DAP: variants seen among roughly 807,000 people sequenced by gnomAD.
DAP encodes death associated protein.
DAP carries 8 observed loss-of-function variants against 13.8 expected under a neutral mutation model. That is an observed-to-expected ratio of 0.58 (90% CI 0.34 to 1.05). The LOEUF is 1.05. Ranked by LOEUF, DAP falls within the 50% of genes least tolerant of loss-of-function variation. DAP has a pLI of 0.03. For missense variants in DAP, 106 were observed against 133.2 expected, an observed-to-expected ratio of 0.80 and a Z score of 1.01; for synonymous variants, 47 against 47.5, an observed-to-expected ratio of 0.99 and a Z score of 0.04.
rs767625403 is a variant in DAP, at chr5:10,748,254, G to A, written c.73C>T (p.Arg25Ter). Residue 25 changes from arginine (R) to a stop codon, truncating the protein, a stop_gained, in exon 2 of 4, where the codon CGA becomes TGA. Coordinates refer to ENST00000230895, the MANE Select transcript of DAP (RefSeq NM_004394.3). LOFTEE classifies it high-confidence loss of function. Reference sequence around the variant, plus strand: ...GTATGTGGGTGTTTCTGCACAATTCGCATTCCACCAGCTTTCACTGAAATG... The same window carrying A: ...GTATGTGGGTGTTTCTGCACAATTCACATTCCACCAGCTTTCACTGAAATG... ...HPPAVKAGGMRIVQKHPHTGD... is the reference protein window; with the variant it reads ...HPPAVKAGGM 17 of 1,613,524 alleles carry A rather than the reference G, an allele frequency of 1.1e-5. No individual in the cohort carries two copies. Among genetic ancestry groups the A allele is most frequent in the South Asian group, 3.3e-5 (3 of 91,072 alleles).
chr5:10,695,034 C>T (rs1267959478), intron 2 of DAP, among the ~76,000 whole-genome samples: 2 of 152,156 alleles, frequency 1.3e-5, no homozygotes, highest in East Asian at 3.9e-4. Context: ...CTTGAAATAC[C>T]TTCTTGGCTT....
intron 2 of DAP, among the ~76,000 whole-genome samples, chr5:10,742,435 G>C (rs544287096): frequency 1.3e-5 from 2 of 152,302 alleles, no homozygotes; most frequent in African/African-American, 2.4e-5. Context: ...GCTGAGGCAG[G>C]AGAATCACTT....
At chr5:10,760,779 T>C (rs560250388) in intron 1 of DAP, among the ~76,000 whole-genome samples, 1 of 152,110 alleles carries the variant, frequency 6.6e-6, no homozygotes, top group East Asian at 1.9e-4. Context: ...CCGCCCGCGG[T>C]CCTCAGGAAG....
intron 1 of DAP, among the ~76,000 whole-genome samples, chr5:10,755,703 T>C (rs551388785): frequency 6.6e-6 from 1 of 152,316 alleles, no homozygotes; most frequent in South Asian, 2.1e-4. Context: ...TATAGTACTT[T>C]ATACAAAAGT....
Position 10,735,177 on chromosome 5 carries a change from A to AG in DAP, c.152+12997_152+12998insC, listed in dbSNP as rs11462356. On this transcript the variant is annotated intron_variant, in intron 2 of 3. Transcript: ENST00000230895. ...TACAAAATGGACAAGTAGCTTAAAAAAAATTCCTGAAAAAATAACCTCTGG... is the reference window on the plus strand; with the variant it reads ...TACAAAATGGACAAGTAGCTTAAAAAGAAATTCCTGAAAAAATAACCTCTGG... Among the ~76,000 whole-genome samples the AG allele has an allele frequency of 4.1e-3, 618 of 152,012 alleles. 5 individuals are homozygous for AG. Among genetic ancestry groups the AG allele is most frequent in the African/African-American group, 0.014 (593 of 41,464 alleles).
chr5:10,739,223 A>AAAAAAAG (rs1739694163), intron 2 of DAP, among the ~76,000 whole-genome samples: 6 of 139,788 alleles, frequency 4.3e-5, no homozygotes, highest in Non-Finnish European at 7.8e-5. Flanking sequence ...AAAAAAAAAA[A>AAAAAAAG]AAAGAAAGAA....
chr5:10,725,630 T>C (rs1477772551), intron 2 of DAP, among the ~76,000 whole-genome samples: 1 of 152,258 alleles, frequency 6.6e-6, no homozygotes. Context: ...CAGTCCCTAA[T>C]AATACAATCC....
intron 2 of DAP, among the ~76,000 whole-genome samples, chr5:10,722,565 T>TATAC (rs3031113): frequency 0.23 from 33,424 of 146,720 alleles, 3,952 homozygotes; most frequent in Middle Eastern, 0.34. Flanking sequence ...CATGCATATA[T>TATAC]ATACATACAT....
chr5:10,747,282 C>T (rs750238397), intron 2 of DAP, among the ~76,000 whole-genome samples: 59 of 152,118 alleles, frequency 3.9e-4, no homozygotes, highest in Non-Finnish European at 7.1e-4. Context: ...ATTGCAAAGT[C>T]GAGAGAAATG....
chr5:10,761,077 G>A lies in DAP; in HGVS notation c.-9C>T, dbSNP rs769466384. The A allele has an allele frequency of 4.1e-6, 5 of 1,212,434 alleles. No homozygotes were observed. Among genetic ancestry groups the A allele is most frequent in the South Asian group, 7.4e-5 (2 of 26,988 alleles). 75.1% of individuals were successfully genotyped at this position (1,212,434 alleles called of 1,614,324 possible). A position where few individuals can be genotyped will look rare whatever the true frequency, so the allele number is the denominator to read the frequency against. Reference sequence around the variant, plus strand: ...TCGGGAGGCGAAGACATGACGCGGCGGGGCTTCCGCGGGGCCGAGGCGGCG... The same window carrying A: ...TCGGGAGGCGAAGACATGACGCGGCAGGGCTTCCGCGGGGCCGAGGCGGCG... On this transcript the variant is annotated 5_prime_UTR_variant, in exon 1 of 4. Coordinates refer to ENST00000230895, the MANE Select transcript of DAP (RefSeq NM_004394.3).
chr5:10,720,362 T>C (rs534381465), intron 2 of DAP, among the ~76,000 whole-genome samples: 1 of 152,216 alleles, frequency 6.6e-6, no homozygotes, highest in South Asian at 2.1e-4. Flanking sequence ...CAAAGAAGCA[T>C]GATTGGAAAA....
intron 2 of DAP, among the ~76,000 whole-genome samples, chr5:10,688,210 C>A (rs1738205258): frequency 6.6e-6 from 1 of 152,088 alleles, no homozygotes; most frequent in East Asian, 1.9e-4. Context: ...GCCATCACAC[C>A]TGGCCTGTTG....
rs1737958405 is a variant in DAP, at chr5:10,680,583, T to C, written c.*473A>G. 1.3e-6 allele frequency: 1 copy of C among 764,504 alleles called. No homozygotes were observed. The highest frequency in any genetic ancestry group is 2.9e-5 in the Admixed American group (1 of 34,724). The allele number at this position is 764,504 out of a possible 1,614,324, so 47.4% of individuals were successfully genotyped here. A position where few individuals can be genotyped will look rare whatever the true frequency, so the allele number is the denominator to read the frequency against. On this transcript the variant is annotated 3_prime_UTR_variant, in exon 4 of 4. Transcript: ENST00000230895. ...TGCTGTTCCCTGCCTCTAAGGTCCT[T>C]TATGAGGGGCCGCCCAAACTCATTC...
chr5:10,733,579 T>C (rs543382284), intron 2 of DAP, among the ~76,000 whole-genome samples: 19 of 152,298 alleles, frequency 1.2e-4, no homozygotes, highest in African/African-American at 3.8e-4. Flanking sequence ...AACACCACCC[T>C]TGATACTCCA....
chr5:10,694,886 C>T (rs937309754), intron 2 of DAP, among the ~76,000 whole-genome samples: 1 of 152,142 alleles, frequency 6.6e-6, no homozygotes, highest in African/African-American at 2.4e-5. Flanking sequence ...AATTCCAAAA[C>T]TCTTGTTTTG....
intron 1 of DAP, 69 bp downstream of exon 1, chr5:10,760,945 G>T (rs887674188): frequency 6.7e-6 from 7 of 1,043,888 alleles, no homozygotes; most frequent in Non-Finnish European, 7.3e-6. Flanking sequence ...CGGAGCCCCC[G>T]CCCGGCGCCC....
chr5:10,697,763 C>CA (rs918497351), intron 2 of DAP, among the ~76,000 whole-genome samples: 1 of 152,100 alleles, frequency 6.6e-6, no homozygotes, highest in African/African-American at 2.4e-5. Flanking sequence ...ATACAGACAC[C>CA]AAAAAACTCA....
rs745666944 is a variant in DAP, at chr5:10,724,061, A to G, written c.152+24114T>C. Among the ~76,000 whole-genome samples the G allele has an allele frequency of 3.3e-5, 5 of 152,242 alleles. No homozygotes were observed. In the South Asian group the frequency reaches 1.0e-3, roughly 32 times the overall value. On this transcript the variant is annotated intron_variant, in intron 2 of 3. Coordinates refer to ENST00000230895, the MANE Select transcript of DAP (RefSeq NM_004394.3). ...AGGCACCATACAGCAAAGGCAATCCATTTCCTTGTGCTACCCTCAAAATGT... is the reference window on the plus strand; with the variant it reads ...AGGCACCATACAGCAAAGGCAATCCGTTTCCTTGTGCTACCCTCAAAATGT...
At chr5:10,694,946 T>C (rs1738396678) in intron 2 of DAP, among the ~76,000 whole-genome samples, 1 of 152,198 alleles carries the variant, frequency 6.6e-6, no homozygotes, top group Non-Finnish European at 1.5e-5. Flanking sequence ...ACAGAAAATA[T>C]ATTCCCAGCT....
Sources: allele counts gnomAD v4.1 joint callset (sites outside exome capture counted in the v4.1 genomes callset), GRCh38; gene constraint gnomAD v4.1.1; transcripts MANE v1.5; gene names NCBI Gene and HGNC (gene_info 2026-07-23, HGNC 2026-07-21).